TMEM163: variants seen among roughly 807,000 people sequenced by gnomAD.
The protein encoded by TMEM163 is transmembrane protein 163.
TMEM163 carries 17 observed loss-of-function variants against 29.3 expected under a neutral mutation model. The ratio of observed to expected loss-of-function variants is 0.58; its 90% CI spans 0.40 to 0.87. The LOEUF is 0.87. TMEM163 is among the 40% of genes least tolerant of loss of function. The pLI, the probability that TMEM163 is intolerant of heterozygous loss-of-function variation, is 0.00. For synonymous variants in TMEM163, 157 were observed against 160.6 expected, an observed-to-expected ratio of 0.98 and a Z score of 0.17; for missense variants, 303 against 381.5, an observed-to-expected ratio of 0.79 and a Z score of 1.71.
At chr2:134,675,709 T>C (rs1466056133) in intron 2 of TMEM163, among the ~76,000 whole-genome samples, 2 of 152,188 alleles carry the variant, frequency 1.3e-5, no homozygotes, top group Non-Finnish European at 2.9e-5. Context: ...GCAAATTTCA[T>C]CCAGAGCTCC....
intron 4 of TMEM163, among the ~76,000 whole-genome samples, chr2:134,524,189 A>C (rs1680244389): frequency 6.6e-6 from 1 of 152,176 alleles, no homozygotes. Flanking sequence ...CATTAAAATG[A>C]GCTGCAGTCT....
chr2:134,708,437 G>T (rs1325838760), intron 2 of TMEM163, among the ~76,000 whole-genome samples: 1 of 151,880 alleles, frequency 6.6e-6, no homozygotes, highest in Non-Finnish European at 1.5e-5. Flanking sequence ...CATTTTTAAG[G>T]GTTAAGAGTT....
intron 2 of TMEM163, among the ~76,000 whole-genome samples, chr2:134,606,199 AC>A (rs554412848): frequency 2.0e-5 from 3 of 150,534 alleles, no homozygotes; most frequent in South Asian, 2.1e-4. Context: ...TGACACCAAA[AC>A]CCCCCTCCAG....
Position 134,616,044 on chromosome 2 carries a change from C to T in TMEM163, c.323-63953G>A, listed in dbSNP as rs149332524. On this transcript the variant is annotated intron_variant, in intron 2 of 7. Transcript: ENST00000281924. ...TGAAGAATTGTAAAAAGAGATGAGA[C>T]GTGGCTTTACCAGTATGATTCGGGA... is the stretch of plus-strand genomic sequence containing the variant. 1.2e-3 allele frequency among the ~76,000 whole-genome samples: 182 copies of T among 152,226 alleles called. 1 individual carries two copies. Among genetic ancestry groups the T allele is most frequent in the African/African-American group, 4.3e-3 (178 of 41,548 alleles).
intron 2 of TMEM163, among the ~76,000 whole-genome samples, chr2:134,651,290 G>A (rs1291603674): frequency 7.2e-6 from 1 of 138,038 alleles, no homozygotes; most frequent in Non-Finnish European, 1.5e-5. Context: ...TTCTCTGATG[G>A]CCAGTGATGA....
At chr2:134,657,610 C>A (rs1683649286) in intron 2 of TMEM163, among the ~76,000 whole-genome samples, 1 of 151,974 alleles carries the variant, frequency 6.6e-6, no homozygotes, top group African/African-American at 2.4e-5. Context: ...CATGACCAGC[C>A]TGACTAACAT....
intron 3 of TMEM163, among the ~76,000 whole-genome samples, chr2:134,551,145 G>A (rs1246154846): frequency 6.6e-6 from 1 of 152,142 alleles, no homozygotes; most frequent in African/African-American, 2.4e-5. Flanking sequence ...CAATGCTTTT[G>A]TTTGAATGAG....
chr2:134,634,762 C>G lies in TMEM163; in HGVS notation c.322+78438G>C, dbSNP rs552809273. ...AGAACTACTCAAATCTACCCTTGCACAGCAATTATGTAAACAAATCTCAAT... is the reference window on the plus strand; with the variant it reads ...AGAACTACTCAAATCTACCCTTGCAGAGCAATTATGTAAACAAATCTCAAT... On this transcript the variant is annotated intron_variant, in intron 2 of 7. Coordinates refer to ENST00000281924, the MANE Select transcript of TMEM163 (RefSeq NM_030923.5). Among the ~76,000 whole-genome samples, 38 of 152,374 alleles carry G rather than the reference C, an allele frequency of 2.5e-4. No homozygotes were observed. The South Asian group carries it at 7.0e-3, about 28-fold the overall frequency.
chr2:134,619,012 T>C (rs1682670226), intron 2 of TMEM163, among the ~76,000 whole-genome samples: 1 of 152,124 alleles, frequency 6.6e-6, no homozygotes. Context: ...GAATCAATTT[T>C]TAAAAAATCA....
At chr2:134,539,705 T>C (rs1225007149) in intron 4 of TMEM163, among the ~76,000 whole-genome samples, 1 of 152,126 alleles carries the variant, frequency 6.6e-6, no homozygotes, top group Non-Finnish European at 1.5e-5. Flanking sequence ...CAAAATCAAA[T>C]AGAATTTTCA....
chr2:134,646,934 C>T (rs925157366), intron 2 of TMEM163, among the ~76,000 whole-genome samples: 4 of 152,192 alleles, frequency 2.6e-5, no homozygotes, highest in Non-Finnish European at 4.4e-5. Context: ...TGATAAGAGG[C>T]AAGTCAGCCA....
chr2:134,570,463 CATAT>C (rs35018528), intron 2 of TMEM163, among the ~76,000 whole-genome samples: 1 of 139,914 alleles, frequency 7.1e-6, no homozygotes, highest in South Asian at 2.3e-4. Context: ...GGTACTACTA[CATAT>C]ATATATACAT....
chr2:134,498,068 G>GTT (rs1461103249), intron 5 of TMEM163, among the ~76,000 whole-genome samples: 2 of 152,164 alleles, frequency 1.3e-5, no homozygotes, highest in Non-Finnish European at 2.9e-5. Context: ...CTAACTAACT[G>GTT]TTCATTTGAT....
intron 2 of TMEM163, among the ~76,000 whole-genome samples, chr2:134,560,846 C>T (rs922644363): frequency 1.3e-5 from 2 of 152,212 alleles, no homozygotes; most frequent in African/African-American, 4.8e-5. Flanking sequence ...CAGGGATCGG[C>T]ATTCCTGGGA....
At chr2:134,499,126 T>A (rs1404245803) in intron 5 of TMEM163, among the ~76,000 whole-genome samples, 1 of 152,146 alleles carries the variant, frequency 6.6e-6, no homozygotes, top group Non-Finnish European at 1.5e-5. Flanking sequence ...CGCATCACTG[T>A]GGAATGGTTA....
At chr2:134,718,582 C>T (rs577679916) in intron 1 of TMEM163, 152 bp downstream of exon 1, 1 of 494,320 alleles carries the variant, frequency 2.0e-6, no homozygotes, top group African/African-American at 2.1e-5. Context: ...GGCTGCCGCT[C>T]TCGGCTAGCG....
intron 4 of TMEM163, among the ~76,000 whole-genome samples, chr2:134,510,892 G>A (rs1323439710): frequency 6.6e-6 from 1 of 152,172 alleles, no homozygotes; most frequent in Non-Finnish European, 1.5e-5. Flanking sequence ...ACAGGGAACA[G>A]CCCGTCTAAA....
At chr2:134,705,820 G>A (rs1684798162) in intron 2 of TMEM163, among the ~76,000 whole-genome samples, 1 of 152,164 alleles carries the variant, frequency 6.6e-6, no homozygotes, top group Non-Finnish European at 1.5e-5. Context: ...AGACTGAGAG[G>A]CAAGAGGAAA....
At chr2:134,557,810 C>A (rs949984461) in intron 2 of TMEM163, among the ~76,000 whole-genome samples, 7 of 151,984 alleles carry the variant, frequency 4.6e-5, no homozygotes, top group African/African-American at 7.3e-5. Flanking sequence ...TCTTTGTGGG[C>A]AAATTGTGAG....
Sources: allele counts gnomAD v4.1 joint callset (sites outside exome capture counted in the v4.1 genomes callset), GRCh38; gene constraint gnomAD v4.1.1; transcripts MANE v1.5; gene names NCBI Gene and HGNC (gene_info 2026-07-23, HGNC 2026-07-21).